AKAP9: variants seen among roughly 807,000 people sequenced by gnomAD.
AKAP9 encodes A-kinase anchor protein 9.
A neutral mutation model predicts 488.5 loss-of-function variants in AKAP9; 311 were observed. The ratio of observed to expected loss-of-function variants is 0.64; its 90% CI spans 0.58 to 0.70. The LOEUF (loss-of-function observed/expected upper bound fraction) is 0.70. AKAP9 is among the 30% of genes least tolerant of loss of function. The pLI is 0.00. For missense variants in AKAP9, 4,215 were observed against 4,374.5 expected (o/e 0.96, Z 1.03); for synonymous variants, 1,462 against 1,483.5 (o/e 0.99, Z 0.33).
intron 28 of AKAP9, among the ~76,000 whole-genome samples, chr7:92,071,776 T>G (rs1811772062): frequency 1.3e-5 from 2 of 152,192 alleles, no homozygotes; most frequent in Admixed American, 1.3e-4. Context: ...GAACTTAAGC[T>G]GCTTTGAAAA....
chr7:92,069,991 A>T (rs200667534), intron 26 of AKAP9, 39 bp from the exon 27 acceptor site: 21 of 1,588,498 alleles, frequency 1.3e-5, no homozygotes, highest in Admixed American at 8.6e-5. Context: ...GCTTGCTGAA[A>T]TTTTTTTTAA....
chr7:91,971,313 TTC>T (rs1795044616), intron 1 of AKAP9, among the ~76,000 whole-genome samples: 1 of 152,144 alleles, frequency 6.6e-6, no homozygotes, highest in Non-Finnish European at 1.5e-5. Flanking sequence ...GTTCCAAAAT[TTC>T]TTTTTGATTT....
chr7:91,992,043 A>G, intron 3 of AKAP9, 115 bp from the exon 4 acceptor site: 1 of 848,708 alleles, frequency 1.2e-6, no homozygotes, highest in Non-Finnish European at 2.0e-6. Flanking sequence ...TTCGCCAATG[A>G]TGCATTTTCC....
chr7:92,080,729 GGCCAGTGAATATTTATA>G (rs1813405332), intron 31 of AKAP9, among the ~76,000 whole-genome samples: 1 of 152,134 alleles, frequency 6.6e-6, no homozygotes, highest in South Asian at 2.1e-4. Context: ...GTGCAACAGT[GGCCAGTGAATATTTATA>G]GACAGAACTA....
At chr7:92,042,587 A>G (rs749739157) in intron 19 of AKAP9, 81 bp from the exon 20 acceptor site, 5 of 987,132 alleles carry the variant, frequency 5.1e-6, no homozygotes, top group Non-Finnish European at 8.0e-6. Context: ...TCATACCAAT[A>G]TAGAAGAATG....
chr7:91,977,015 T>A (rs1795782392), intron 2 of AKAP9, among the ~76,000 whole-genome samples: 1 of 152,106 alleles, frequency 6.6e-6, no homozygotes. Flanking sequence ...TCCCAGCACT[T>A]TGGGAGGCAG....
At chr7:92,096,584 G>A (rs574345628) in intron 40 of AKAP9, 105 bp from the exon 41 acceptor site, 45 of 1,295,376 alleles carry the variant, frequency 3.5e-5, no homozygotes, top group South Asian at 3.2e-4. Flanking sequence ...TGATCTGCCC[G>A]CCTCGGCCTC....
chr7:92,085,111 A>C (rs925004000), intron 35 of AKAP9, among the ~76,000 whole-genome samples, 171 bp downstream of exon 35: 3 of 152,232 alleles, frequency 2.0e-5, no homozygotes, highest in African/African-American at 7.2e-5. Context: ...ATAAAGTAAG[A>C]GATTAATGAT....
chr7:92,095,374 T>A (rs746104424), intron 40 of AKAP9, among the ~76,000 whole-genome samples: 2 of 152,216 alleles, frequency 1.3e-5, no homozygotes, highest in Admixed American at 6.5e-5. Context: ...TTTGTTTGTT[T>A]GTTTTGCTAC....
chr7:92,002,391 T>C lies in AKAP9; in HGVS notation c.2474T>C (p.Leu825Pro), dbSNP rs1240000701. Residue 825 changes from leucine to proline, a missense_variant, in exon 8 of 50, where the codon CTT becomes CCT. Transcript: ENST00000356239. ...GTGTGGGAAAAAGAAATAGAAATAC[T>C]TATAGAGGAAAATGAGGACCTCAAA... The part of the protein sequence containing the change: ...DSVWEKEIEI[L>P]IEENEDLKQQ... 2.5e-5 allele frequency: 40 copies of C among 1,610,680 alleles called. No homozygotes were observed. The highest frequency in any genetic ancestry group is 3.1e-5 in the Non-Finnish European group (37 of 1,178,826).
rs1554367029 is a variant in AKAP9, at chr7:91,941,135, C to T, written c.36C>T (p.Ala12=). ...AGGAGAGACAGAAGAAGCTGGAGGCCGGCAAAGCCAAGGTAGGAGAGCCCG... is the reference window on the plus strand; with the variant it reads ...AGGAGAGACAGAAGAAGCTGGAGGCTGGCAAAGCCAAGGTAGGAGAGCCCG... The part of the protein sequence containing the change: ...EDEERQKKLE[A]GKAKLAQFRQ... Residue 12 remains alanine (A), a synonymous_variant, in exon 1 of 50, where the codon GCC becomes GCT. Coordinates refer to ENST00000356239, the MANE Select transcript of AKAP9 (RefSeq NM_005751.5). 1.2e-6 allele frequency: 2 copies of T among 1,614,050 alleles called. No individual in the cohort carries two copies. The highest frequency in any genetic ancestry group is 1.7e-6 in the Non-Finnish European group (2 of 1,179,922).
Position 92,029,918 on chromosome 7 carries a change from T to C in AKAP9, c.4172T>C (p.Ile1391Thr). 6.2e-7 allele frequency: 1 copy of C among 1,612,966 alleles called. No individual in the cohort carries two copies. The change falls in exon 15 of 50, where the codon ATT becomes ACT. Residue 1391 changes from isoleucine to threonine, a missense_variant. Coordinates refer to ENST00000356239, the MANE Select transcript of AKAP9 (RefSeq NM_005751.5). ...PPSLPVDSVV[I>T]TESDAQRTMY... ...AGCTTACCTGTTGATTCGGTGGTAA[T>C]TACAGAATCTGATGCACAGAGAACA...
rs755283199 is a variant in AKAP9 at position 92,042,030 on chromosome 7, C to CT, written c.4918-10dup. The CT allele has an allele frequency of 6.1e-5, 99 of 1,612,780 alleles. No homozygotes were observed. In the African/African-American group the frequency reaches 1.2e-3, roughly 20 times the overall value. On this transcript the variant is annotated splice_polypyrimidine_tract_variant and intron_variant, in intron 18 of 49. Coordinates refer to ENST00000356239, the MANE Select transcript of AKAP9 (RefSeq NM_005751.5). ...ATCACAAACAGTATTCTTTCATGAC[C>CT]TTTTTTCTTATTTAGAGATCCTCCA...
chr7:91,948,414 A>G (rs920768093), intron 1 of AKAP9, among the ~76,000 whole-genome samples: 5 of 151,304 alleles, frequency 3.3e-5, no homozygotes, highest in Non-Finnish European at 7.4e-5. Context: ...GGACATTCCA[A>G]TTTTCCCATA....
At chr7:92,028,090 A>G (rs1340586883) in intron 14 of AKAP9, among the ~76,000 whole-genome samples, 7 of 152,078 alleles carry the variant, frequency 4.6e-5, no homozygotes, top group Admixed American at 3.9e-4. Context: ...ATGCTTGAAG[A>G]CAGCATGCTC....
chr7:92,000,738 G>A, intron 7 of AKAP9, 110 bp from the exon 8 acceptor site: 1 of 629,566 alleles, frequency 1.6e-6, no homozygotes. Context: ...ACTTTTTGTA[G>A]AATTTTTTAA....
In AKAP9 at chr7:92,095,054, C is replaced by T. The variant is rs750214432; in HGVS notation, c.9610C>T (p.His3204Tyr). The T allele has an allele frequency of 6.2e-7, 1 of 1,614,060 alleles. No individual in the cohort carries two copies. Among genetic ancestry groups the T allele is most frequent in the Non-Finnish European group, 8.5e-7 (1 of 1,179,964 alleles). Reference protein sequence around the residue: ...LEVKDKTDEVHLLNDTLASEQ... With the variant: ...LEVKDKTDEVYLLNDTLASEQ... ...AGTTAAAGATAAGACAGATGAAGTA[C>T]ATTTGCTTAATGACACATTAGCAAG... The change falls in exon 40 of 50, where the codon CAT becomes TAT. Residue 3204 changes from histidine (H) to tyrosine (Y), a missense_variant. Around this residue, in one of 5 missense-constraint regions of AKAP9, gnomAD observed 1,476 missense variants for 1,477.4 expected, o/e 1.00. Coordinates refer to ENST00000356239, the MANE Select transcript of AKAP9 (RefSeq NM_005751.5).
At chr7:91,994,855 A>G in intron 6 of AKAP9, 79 bp downstream of exon 6, 1 of 1,391,606 alleles carries the variant, frequency 7.2e-7, no homozygotes, top group Non-Finnish European at 1.0e-6. Context: ...AACAAATCTA[A>G]ATTTGTTAAA....
At chr7:92,017,226 G>C (rs1206842727) in intron 12 of AKAP9, 124 bp downstream of exon 12, 4 of 763,004 alleles carry the variant, frequency 5.2e-6, no homozygotes. Context: ...ATTGGGAAAA[G>C]TGACATATAT....
Sources: gnomAD v4.1 joint callset for allele counts (sites outside exome capture counted in the v4.1 genomes callset) on GRCh38, gnomAD v4.1.1 for gene constraint, gnomAD v4.1.1 regional missense constraint, MANE v1.5 for transcripts, NCBI Gene and HGNC (gene_info 2026-07-23, HGNC 2026-07-21) for gene names.